Variants in MAP3K21 observed in about 807,000 individuals in gnomAD.
MAP3K21 encodes the protein mitogen-activated protein kinase kinase kinase MLK4.
A neutral mutation model predicts 86.1 loss-of-function variants in MAP3K21; 63 were observed. The observed-to-expected ratio is 0.73, with a 90% CI of 0.60 to 0.90. The LOEUF (loss-of-function observed/expected upper bound fraction) is 0.90, where lower values mean the gene tolerates loss of function less well. MAP3K21 is among the 40% of genes least tolerant of loss of function. The probability of loss-of-function intolerance (pLI) is 0.00; values close to 1 mark genes in which losing one functional copy is unlikely to be tolerated. For missense variants in MAP3K21, 1,220 were observed against 1,367.7 expected (o/e 0.89, Z 1.70); for synonymous variants, 558 against 564.8 (o/e 0.99, Z 0.17).
In MAP3K21 at chr1:233,379,083, G is replaced by T; in HGVS notation, c.2077G>T (p.Ala693Ser). Residue 693 changes from alanine to serine, a missense_variant, in exon 9 of 10, where the codon GCC becomes TCC. Coordinates refer to ENST00000366624, the MANE Select transcript of MAP3K21 (RefSeq NM_032435.3). Reference protein sequence around the residue: ...PAEAESWEEAASANAATVSIE... With the variant: ...PAEAESWEEASSANAATVSIE... ...AGAAGCTGAAAGCTGGGAGGAGGCA[G>T]CCTCTGCGAATGCTGCCACAGTCTC... is the stretch of plus-strand genomic sequence containing the variant. 5 of 1,614,230 alleles carry T rather than the reference G, an allele frequency of 3.1e-6. No homozygotes were observed. The highest frequency in any genetic ancestry group is 4.2e-6 in the Non-Finnish European group (5 of 1,180,042).
intron 4 of MAP3K21, among the ~76,000 whole-genome samples, chr1:233,358,571 G>A (rs1446009157): frequency 1.3e-5 from 2 of 151,352 alleles, no homozygotes; most frequent in Admixed American, 1.3e-4. Context: ...AGCAGGAAAA[G>A]CGTTTGAGAA....
intron 1 of MAP3K21, among the ~76,000 whole-genome samples, chr1:233,333,609 T>A (rs552542198): frequency 2.7e-4 from 36 of 131,932 alleles, no homozygotes; most frequent in Middle Eastern, 8.0e-3. Context: ...AAAAAAAAAA[T>A]AGGCAATGTC....
intron 6 of MAP3K21, chr1:233,372,587 A>G (rs1364880811): frequency 5.7e-6 from 1 of 174,370 alleles, no homozygotes; most frequent in African/African-American, 2.4e-5. Flanking sequence ...TCAGGATTTA[A>G]CTTTAATTCA....
chr1:233,375,457 T>G (rs750659899), intron 6 of MAP3K21, among the ~76,000 whole-genome samples: 31 of 152,180 alleles, frequency 2.0e-4, no homozygotes, highest in African/African-American at 4.6e-4. Flanking sequence ...AAGAAAGAAA[T>G]AAATTGTGAC....
chr1:233,360,120 G>A (rs1376539723), intron 4 of MAP3K21, among the ~76,000 whole-genome samples: 1 of 152,120 alleles, frequency 6.6e-6, no homozygotes, highest in Non-Finnish European at 1.5e-5. Context: ...TTTAACAATA[G>A]CTAATTGGAT....
In MAP3K21 at chr1:233,333,529, G is replaced by A. The variant is rs149053360; in HGVS notation, c.805+4696G>A. Reference sequence around the variant, plus strand: ...TTTGGGAGGCCAAGGTGGGAGGATCGCTTGAGCCCAGGAGTTTGAGACCAG... The same window carrying A: ...TTTGGGAGGCCAAGGTGGGAGGATCACTTGAGCCCAGGAGTTTGAGACCAG... On this transcript the variant is annotated intron_variant, in intron 1 of 9. Transcript: ENST00000366624. Among the ~76,000 whole-genome samples the A allele has an allele frequency of 6.0e-3, 906 of 152,042 alleles. 20 individuals are homozygous for A. In the East Asian group the frequency reaches 0.063, roughly 11 times the overall value.
chr1:233,382,375 T>A lies in MAP3K21; in HGVS notation c.2775T>A (p.Ser925Arg). 1 of 1,614,084 alleles carries A rather than the reference T, an allele frequency of 6.2e-7. No homozygotes were observed. The highest frequency in any genetic ancestry group is 8.5e-7 in the Non-Finnish European group (1 of 1,179,994). ...TCTGCCCCTCACCTGCTCCTCACAG[T>A]CATCTGCCAAGGGAGGTCTCACCCA... ...LPLCPSPAPH[S>R]HLPREVSPKK... Residue 925 changes from serine (S) to arginine (R), a missense_variant, in exon 10 of 10, where the codon AGT (serine) becomes AGA (arginine). Physicochemically the swap from Ser to Arg is moderately radical, Grantham distance 110 (BLOSUM62 -1). Transcript: ENST00000366624.
At chr1:233,337,000 A>G (rs928527004) in intron 1 of MAP3K21, among the ~76,000 whole-genome samples, 1 of 152,208 alleles carries the variant, frequency 6.6e-6, no homozygotes, top group East Asian at 1.9e-4. Context: ...TGTTCCTTTC[A>G]CATTGGAGGA....
At chr1:233,371,513 A>C (rs541166575) in intron 5 of MAP3K21, among the ~76,000 whole-genome samples, 1 of 152,172 alleles carries the variant, frequency 6.6e-6, no homozygotes, top group South Asian at 2.1e-4. Flanking sequence ...GATGTGTGCC[A>C]CCATGCCGGC....
At position 233,328,210 on chromosome 1, in the gene MAP3K21, G is replaced by T; in HGVS notation, c.182G>T (p.Arg61Leu). ...ARGEDELSLR[R>L]GQLVEVLSQD... ...GGCGAGGACGAGCTGAGCCTGCGGC[G>T]CGGCCAGCTGGTGGAGGTGCTGTCG... The change falls in exon 1 of 10, where the codon CGC becomes CTC. Residue 61 changes from arginine to leucine, a missense_variant. Arg to Leu is a moderately radical substitution (Grantham distance 102, BLOSUM62 -2). Coordinates refer to ENST00000366624, the MANE Select transcript of MAP3K21 (RefSeq NM_032435.3). The surrounding 1 kb of genome is among the most constrained non-coding windows in gnomAD (Gnocchi z 8.7). 6.7e-7 allele frequency: 1 copy of T among 1,488,144 alleles called. No homozygotes were observed. Among genetic ancestry groups the T allele is most frequent in the Non-Finnish European group, 8.9e-7 (1 of 1,127,312 alleles). The allele number at this position is 1,488,144 out of a possible 1,614,324, so 92.2% of individuals were successfully genotyped here.
intron 2 of MAP3K21, among the ~76,000 whole-genome samples, chr1:233,348,835 C>A (rs970462220): frequency 6.6e-6 from 1 of 152,008 alleles, no homozygotes; most frequent in Non-Finnish European, 1.5e-5. Flanking sequence ...GTGCCGGAAC[C>A]TTTTAAGAAC....
intron 4 of MAP3K21, 102 bp downstream of exon 4, chr1:233,355,113 A>G (rs1055592320): frequency 2.4e-6 from 2 of 842,056 alleles, no homozygotes; most frequent in Non-Finnish European, 3.6e-6. Flanking sequence ...ATATCTTTAG[A>G]TATCAATATT....
At chr1:233,366,579 G>A (rs904136101) in intron 5 of MAP3K21, among the ~76,000 whole-genome samples, 1 of 152,188 alleles carries the variant, frequency 6.6e-6, no homozygotes, top group Non-Finnish European at 1.5e-5. Context: ...CAGCGATGCT[G>A]TCCTTTCATG....
rs138930755 is a variant in MAP3K21, at chr1:233,344,122, G to A, written c.806-2320G>A. Among the ~76,000 whole-genome samples the A allele has an allele frequency of 4.1e-3, 626 of 152,280 alleles. 3 individuals carry two copies. Among genetic ancestry groups the A allele is most frequent in the African/African-American group, 0.013 (556 of 41,548 alleles). ...GAGTGAATGAAATGCTCATGGATAC[G>A]AAGAGTCAAAATCATGAAAATGGCC... On this transcript the variant is annotated intron_variant, in intron 1 of 9. Coordinates refer to ENST00000366624, the MANE Select transcript of MAP3K21 (RefSeq NM_032435.3).
chr1:233,382,138 G>A (rs548506598), intron 9 of MAP3K21, among the ~76,000 whole-genome samples, 167 bp from the exon 10 acceptor site: 4 of 152,332 alleles, frequency 2.6e-5, no homozygotes, highest in East Asian at 1.9e-4. Context: ...CCAAGAGTTC[G>A]AGGCTGCAGT....
chr1:233,375,969 G>T lies in MAP3K21; in HGVS notation c.1729G>T (p.Glu577Ter). Residue 577 changes from glutamate (E) to a stop codon, truncating the protein, a stop_gained, in exon 7 of 10, where the codon GAA becomes TAA. Coordinates refer to ENST00000366624, the MANE Select transcript of MAP3K21 (RefSeq NM_032435.3). LOFTEE classifies it high-confidence loss of function. ...TWGRNTVFRQ[E>*]EFEDVKRNFK... is the part of the protein sequence containing the mutation. ...GGGAAGGAACACAGTCTTTCGACAA[G>T]AAGAATTTGAGGATGTAAAAAGGAA... The T allele has an allele frequency of 6.2e-7, 1 of 1,609,314 alleles. No individual in the cohort carries two copies. The highest frequency in any genetic ancestry group is 8.5e-7 in the Non-Finnish European group (1 of 1,178,692).
At chr1:233,351,303 A>G (rs1317923602) in intron 2 of MAP3K21, among the ~76,000 whole-genome samples, 1 of 152,190 alleles carries the variant, frequency 6.6e-6, no homozygotes. Flanking sequence ...TACATTAAAT[A>G]TATTATATAT....
At chr1:233,332,426 C>G (rs964594158) in intron 1 of MAP3K21, among the ~76,000 whole-genome samples, 5 of 151,808 alleles carry the variant, frequency 3.3e-5, no homozygotes, top group African/African-American at 7.3e-5. Flanking sequence ...CAAAAATGAG[C>G]CTTCCATATT....
chr1:233,374,877 A>G (rs916722833), intron 6 of MAP3K21, among the ~76,000 whole-genome samples: 2 of 150,694 alleles, frequency 1.3e-5, no homozygotes, highest in Non-Finnish European at 3.0e-5. Flanking sequence ...TAGAACATCT[A>G]GTATGTTTCA....
Sources: gnomAD v4.1 joint callset for allele counts (sites outside exome capture counted in the v4.1 genomes callset) on GRCh38, gnomAD v4.1.1 for gene constraint, Gnocchi (gnomAD v3.1) non-coding constraint, MANE v1.5 for transcripts, NCBI Gene and HGNC (gene_info 2026-07-23, HGNC 2026-07-21) for gene names.